Variants in RPTOR observed in about 807,000 individuals in gnomAD.
RPTOR encodes the protein regulatory-associated protein of mTOR.
In RPTOR, 21 loss-of-function variants were observed where a neutral mutation model predicts 169.9. That is an observed-to-expected ratio of 0.12 (90% confidence interval 0.09 to 0.18). The LOEUF is 0.18. RPTOR is among the 10% of genes least tolerant of loss of function. RPTOR has a pLI of 1.00. For missense variants in RPTOR, 1,133 were observed against 1,855.9 expected, an observed-to-expected ratio of 0.61 and a Z score of 7.16; for synonymous variants, 732 against 753.2, an observed-to-expected ratio of 0.97 and a Z score of 0.46.
chr17:80,919,153 G>A (rs989247341), intron 21 of RPTOR, among the ~76,000 whole-genome samples: 2 of 152,168 alleles, frequency 1.3e-5, no homozygotes, highest in African/African-American at 4.8e-5. Context: ...GAGTCACCAC[G>A]TTGCTTTAAT....
rs760200191 is a variant in RPTOR at position 80,960,059 on chromosome 17, T to A, written c.3478-19T>A. 1 of 1,612,584 alleles carries A rather than the reference T, an allele frequency of 6.2e-7. No homozygotes were observed. The highest frequency in any genetic ancestry group is 1.1e-5 in the South Asian group (1 of 91,072). On this transcript the variant is annotated intron_variant, in intron 29 of 33. Coordinates refer to ENST00000306801, the MANE Select transcript of RPTOR (RefSeq NM_020761.3). The surrounding 1 kb of genome is among the most constrained non-coding windows in gnomAD (Gnocchi z 4.8). ...CTCGGTGCCCCGGTCTTCACCGGGC[T>A]GCCTGTGTTTGGCTCTAGGACATCC...
intron 5 of RPTOR, among the ~76,000 whole-genome samples, chr17:80,752,535 A>G (rs1009306905): frequency 2.0e-5 from 3 of 152,234 alleles, no homozygotes; most frequent in African/African-American, 7.2e-5. Flanking sequence ...ATTAAATTTT[A>G]CTGGCCAAAA....
chr17:80,963,166 G>A, intron 33 of RPTOR, 109 bp downstream of exon 33: 1 of 1,104,914 alleles, frequency 9.1e-7, no homozygotes, highest in Non-Finnish European at 1.3e-6. Context: ...CACCACAGTG[G>A]GGCCCATTGG....
Position 80,820,604 on chromosome 17 carries a change from G to A in RPTOR, c.891-1597G>A, listed in dbSNP as rs922906222. ...TCTGTCGTAGGTTGTTAGAGGGTGGGCACCTTTGCTTTTCCTCACTCCCCT... is the reference window on the plus strand; with the variant it reads ...TCTGTCGTAGGTTGTTAGAGGGTGGACACCTTTGCTTTTCCTCACTCCCCT... On this transcript the variant is annotated intron_variant, in intron 7 of 33. Coordinates refer to ENST00000306801, the MANE Select transcript of RPTOR (RefSeq NM_020761.3). This position sits in a 1 kb window ranked among gnomAD's most constrained non-coding sequence, Gnocchi z 4.1. Among the ~76,000 whole-genome samples, 3 of 152,170 alleles carry A rather than the reference G, an allele frequency of 2.0e-5. No homozygotes were observed. Among genetic ancestry groups the A allele is most frequent in the Middle Eastern group, 3.2e-3 (1 of 316 alleles).
At chr17:80,617,577 T>A (rs62068306) in intron 1 of RPTOR, among the ~76,000 whole-genome samples, 8,303 of 152,306 alleles carry the variant, frequency 0.055, 289 homozygotes, top group Non-Finnish European at 0.082. Context: ...AATTTGTAAG[T>A]GTAGAGAAAA....
chr17:80,958,568 G>A (rs549342847), intron 29 of RPTOR, among the ~76,000 whole-genome samples: 3 of 151,498 alleles, frequency 2.0e-5, no homozygotes, highest in East Asian at 1.9e-4. Context: ...CCACCACCAC[G>A]CCCAGCTAAT....
intron 17 of RPTOR, among the ~76,000 whole-genome samples, chr17:80,890,654 G>A (rs1477328747): frequency 3.9e-5 from 6 of 152,234 alleles, no homozygotes; most frequent in Non-Finnish European, 7.3e-5. Flanking sequence ...GACGGTGCCC[G>A]CAGTTCATAG....
intron 6 of RPTOR, among the ~76,000 whole-genome samples, chr17:80,764,117 G>GTTATTTTATTTTATT (rs71164002): frequency 3.6e-5 from 5 of 138,538 alleles, no homozygotes; most frequent in Admixed American, 7.2e-5. Context: ...GACTTCTTTT[G>GTTATTTTATTTTATT]TTATTTTATT....
rs749202622 is a variant in RPTOR at position 80,651,505 on chromosome 17, AT to A, written c.348+7698del. ...TACAGCTCCCTCCCAAATGTCCGCGATTTACTTGTTGGTATGACACATAATG... is the reference window on the plus strand; with the variant it reads ...TACAGCTCCCTCCCAAATGTCCGCGATTACTTGTTGGTATGACACATAATG... On this transcript the variant is annotated intron_variant, in intron 3 of 33. Transcript: ENST00000306801. The surrounding 1 kb of genome is among the most constrained non-coding windows in gnomAD (Gnocchi z 4.1). Among the ~76,000 whole-genome samples, 2 of 151,588 alleles carry A rather than the reference AT, an allele frequency of 1.3e-5. No individual in the cohort carries two copies. Among genetic ancestry groups the A allele is most frequent in the African/African-American group, 2.4e-5 (1 of 41,040 alleles).
Position 80,545,795 on chromosome 17 carries a change from A to G in RPTOR, c.162+4A>G. 6.2e-7 allele frequency: 1 copy of G among 1,600,058 alleles called. No individual in the cohort carries two copies. On this transcript the variant is annotated splice_donor_region_variant and intron_variant, in intron 1 of 33. Transcript: ENST00000306801. ...GAGCTGGAGGATGAAGGATCGGGTA[A>G]GTGGATTCTGAAGGCACCCCTTGAA... is the stretch of plus-strand genomic sequence containing the variant.
intron 3 of RPTOR, among the ~76,000 whole-genome samples, chr17:80,691,805 A>G (rs146726137): frequency 1.5e-4 from 23 of 152,056 alleles, no homozygotes; most frequent in African/African-American, 5.5e-4. Context: ...CCCTTTCTCT[A>G]TGGGTGTTTC....
chr17:80,597,553 A>G (rs1316115487), intron 1 of RPTOR, among the ~76,000 whole-genome samples: 1 of 152,142 alleles, frequency 6.6e-6, no homozygotes, highest in East Asian at 1.9e-4. Context: ...TTTTTGAGAC[A>G]GGGTCTTACC....
chr17:80,583,522 G>A (rs959708833), intron 1 of RPTOR, among the ~76,000 whole-genome samples: 3 of 152,132 alleles, frequency 2.0e-5, no homozygotes, highest in Admixed American at 1.3e-4. Context: ...CCTGTCCCAC[G>A]TGGGACCTTG....
chr17:80,565,806 A>G (rs1476585232), intron 1 of RPTOR, among the ~76,000 whole-genome samples: 5 of 152,258 alleles, frequency 3.3e-5, no homozygotes, highest in Admixed American at 2.6e-4. Context: ...ATTTTGTTAC[A>G]GTTGAGTAAA....
intron 1 of RPTOR, among the ~76,000 whole-genome samples, chr17:80,560,664 G>C (rs1474070440): frequency 6.6e-6 from 1 of 152,124 alleles, no homozygotes; most frequent in Non-Finnish European, 1.5e-5. Context: ...ACGCCACTGG[G>C]GGCCTCCTGC....
At chr17:80,772,957 G>A (rs954022758) in intron 6 of RPTOR, among the ~76,000 whole-genome samples, 3 of 152,146 alleles carry the variant, frequency 2.0e-5, no homozygotes, top group Non-Finnish European at 2.9e-5. Context: ...TGACCTGAGC[G>A]CTCTTCTCTT....
intron 6 of RPTOR, chr17:80,774,239 G>GTGA: frequency 2.0e-6 from 2 of 985,454 alleles, no homozygotes; most frequent in Non-Finnish European, 2.4e-6. Context: ...CAGCGCCCGT[G>GTGA]TGATGATGAT....
chr17:80,782,387 A>T (rs1598300840), intron 6 of RPTOR, among the ~76,000 whole-genome samples: 4 of 149,988 alleles, frequency 2.7e-5, no homozygotes, highest in Non-Finnish European at 4.4e-5. Context: ...TTATTTATTT[A>T]TTTTTTTATT....
chr17:80,547,248 A>G (rs1308939900), intron 1 of RPTOR, among the ~76,000 whole-genome samples: 3 of 152,194 alleles, frequency 2.0e-5, no homozygotes, highest in Non-Finnish European at 4.4e-5. Flanking sequence ...TCTTATGGAC[A>G]TCTTTAGTAG....
Sources: allele counts gnomAD v4.1 joint callset (sites outside exome capture counted in the v4.1 genomes callset), GRCh38; gene constraint gnomAD v4.1.1; non-coding constraint Gnocchi (gnomAD v3.1); transcripts MANE v1.5; gene names NCBI Gene and HGNC (gene_info 2026-07-23, HGNC 2026-07-21).